LARP1B: variants seen among roughly 807,000 people sequenced by gnomAD.
LARP1B encodes the protein La ribonucleoprotein 1B.
A neutral mutation model predicts 114.2 loss-of-function variants in LARP1B; 76 were observed. The observed-to-expected ratio is 0.67, with a 90% CI of 0.55 to 0.81. The LOEUF (loss-of-function observed/expected upper bound fraction) is 0.81. LARP1B is among the 30% of genes least tolerant of loss of function. The probability of loss-of-function intolerance (pLI) is 0.00; values close to 1 mark genes in which losing one functional copy is unlikely to be tolerated. For synonymous variants in LARP1B, 345 were observed against 348.0 expected (o/e 0.99, Z 0.10); for missense variants, 1,014 against 1,075.8 (o/e 0.94, Z 0.80).
At chr4:128,139,693 A>G (rs1727094914) in intron 11 of LARP1B, among the ~76,000 whole-genome samples, 1 of 152,212 alleles carries the variant, frequency 6.6e-6, no homozygotes, top group African/African-American at 2.4e-5. Context: ...TATACTGCTT[A>G]TAAGACATGA....
chr4:128,165,803 T>G (rs1052166875), intron 12 of LARP1B, among the ~76,000 whole-genome samples: 1 of 152,094 alleles, frequency 6.6e-6, no homozygotes, highest in Non-Finnish European at 1.5e-5. Flanking sequence ...CTGAAACACA[T>G]TTTTACTTCC....
intron 11 of LARP1B, among the ~76,000 whole-genome samples, chr4:128,130,436 A>C (rs1580795674): frequency 6.6e-6 from 1 of 152,346 alleles, no homozygotes; most frequent in Middle Eastern, 3.4e-3. Context: ...TGCATATGAA[A>C]AGATGCTCAA....
chr4:128,154,498 T>C (rs1428292541), intron 11 of LARP1B, among the ~76,000 whole-genome samples: 1 of 152,196 alleles, frequency 6.6e-6, no homozygotes, highest in Admixed American at 6.5e-5. Flanking sequence ...CTTTTACATA[T>C]TTTCATTGTC....
At chr4:128,112,109 A>G (rs929068404) in intron 9 of LARP1B, among the ~76,000 whole-genome samples, 3 of 152,106 alleles carry the variant, frequency 2.0e-5, no homozygotes, top group Non-Finnish European at 4.4e-5. Flanking sequence ...CAAAGCTTGT[A>G]TTTCACTTGT....
intron 17 of LARP1B, among the ~76,000 whole-genome samples, chr4:128,203,982 G>C (rs1756830249): frequency 6.6e-6 from 1 of 152,196 alleles, no homozygotes; most frequent in Non-Finnish European, 1.5e-5. Context: ...TGAGAAGGCT[G>C]ATCATTTGCC....
intron 19 of LARP1B, among the ~76,000 whole-genome samples, chr4:128,209,337 C>T (rs1441736269): frequency 6.6e-6 from 1 of 152,180 alleles, no homozygotes; most frequent in Non-Finnish European, 1.5e-5. Flanking sequence ...AGGAGAATCG[C>T]TTGAACCCCA....
At chr4:128,067,858 C>T (rs779462878) in intron 1 of LARP1B, among the ~76,000 whole-genome samples, 15 of 150,996 alleles carry the variant, frequency 9.9e-5, no homozygotes, top group South Asian at 2.1e-4. Context: ...TACAGGCGCT[C>T]GCCACCATGC....
chr4:128,178,691 C>T (rs370019167), intron 14 of LARP1B, 49 bp downstream of exon 14: 2 of 1,322,806 alleles, frequency 1.5e-6, no homozygotes, highest in Admixed American at 1.8e-5. Context: ...TATCCTTTAA[C>T]ATTACAGAAT....
intron 4 of LARP1B, 28 bp from the exon 5 acceptor site, chr4:128,082,137 G>T (rs1295952702): frequency 8.7e-6 from 14 of 1,601,764 alleles, no homozygotes; most frequent in Non-Finnish European, 1.0e-5. Flanking sequence ...TTGTACATTT[G>T]TCCTTAAATG....
chr4:128,182,626 A>G (rs1047831673), intron 15 of LARP1B, among the ~76,000 whole-genome samples: 7 of 152,172 alleles, frequency 4.6e-5, no homozygotes, highest in African/African-American at 1.4e-4. Context: ...AATTAGACCA[A>G]CTAATAACCC....
intron 15 of LARP1B, among the ~76,000 whole-genome samples, chr4:128,192,857 G>C (rs1752706486): frequency 6.6e-6 from 1 of 151,214 alleles, no homozygotes; most frequent in East Asian, 1.9e-4. Context: ...ATTAGAGACA[G>C]AGTCTCGATC....
At chr4:128,102,725 TA>T (rs150315397) in intron 8 of LARP1B, among the ~76,000 whole-genome samples, 2,729 of 152,314 alleles carry the variant, frequency 0.018, 64 homozygotes, top group East Asian at 0.1. Context: ...CTTGGTTCTA[TA>T]GCTTACCAGT....
chr4:128,170,038 A>C (rs1409229398), intron 12 of LARP1B, among the ~76,000 whole-genome samples: 1 of 152,094 alleles, frequency 6.6e-6, no homozygotes, highest in Non-Finnish European at 1.5e-5. Context: ...CATTTTCTAA[A>C]TTCTTTTGAG....
Position 128,077,904 on chromosome 4 carries a change from T to C in LARP1B, c.159T>C (p.Asn53=), listed in dbSNP as rs1407868930. The part of the protein sequence containing the change: ...DSKENRETKL[N]GPGENVSEDE... Reference sequence around the variant, plus strand: ...AAGAAAACCGGGAAACAAAATTAAATGGTCCTGGTGAAAACGTCAGTGAGG... The same window carrying C: ...AAGAAAACCGGGAAACAAAATTAAACGGTCCTGGTGAAAACGTCAGTGAGG... The change falls in exon 4 of 20, where the codon AAT becomes AAC. Residue 53 remains asparagine, a synonymous_variant. Coordinates refer to ENST00000326639, the MANE Select transcript of LARP1B (RefSeq NM_018078.4). The C allele has an allele frequency of 6.2e-7, 1 of 1,613,404 alleles. No individual in the cohort carries two copies. The highest frequency in any genetic ancestry group is 8.5e-7 in the Non-Finnish European group (1 of 1,179,822).
At chr4:128,075,527 ATTAT>A (rs1322775095) in intron 3 of LARP1B, among the ~76,000 whole-genome samples, 1 of 150,338 alleles carries the variant, frequency 6.7e-6, no homozygotes, top group Non-Finnish European at 1.5e-5. Context: ...AACCTAACCT[ATTAT>A]TTCTTTCTTT....
rs147901118 is a variant in LARP1B, at chr4:128,107,233, G to T, written c.908G>T (p.Arg303Leu). The T allele has an allele frequency of 1.2e-6, 2 of 1,614,028 alleles. No homozygotes were observed. The highest frequency in any genetic ancestry group is 3.3e-5 in the Admixed American group (2 of 60,012). The change falls in exon 9 of 20, where the codon CGC (arginine) becomes CTC (leucine). Residue 303 changes from arginine to leucine, a missense_variant. Transcript: ENST00000326639. Reference protein sequence around the residue: ...EKWPIPGPPPRSVPPTDFSQL... With the variant: ...EKWPIPGPPPLSVPPTDFSQL... ...TGGCCAATTCCAGGCCCTCCTCCACGCAGTGTGCCACCAACAGACTTCTCT... is the reference window on the plus strand; with the variant it reads ...TGGCCAATTCCAGGCCCTCCTCCACTCAGTGTGCCACCAACAGACTTCTCT...
intron 11 of LARP1B, among the ~76,000 whole-genome samples, chr4:128,129,164 CAAAAAAAAAAAAAAAAAAAAAAAAAAAAA>C (rs559312234): frequency 4.1e-5 from 2 of 49,142 alleles, no homozygotes; most frequent in East Asian, 7.6e-4. Flanking sequence ...GACTCTGTCT[CAAAAAAAAAAAAAAAAAAAAAAAAAAAAA>C]AAAAAAAAAA....
chr4:128,167,273 C>T (rs1487293939), intron 12 of LARP1B, among the ~76,000 whole-genome samples: 1 of 151,748 alleles, frequency 6.6e-6, no homozygotes, highest in Non-Finnish European at 1.5e-5. Context: ...TATGGTAATT[C>T]TACTTTTAAT....
chr4:128,124,925 T>C (rs181849162), intron 11 of LARP1B, among the ~76,000 whole-genome samples: 1 of 152,282 alleles, frequency 6.6e-6, no homozygotes, highest in East Asian at 1.9e-4. Flanking sequence ...GTATGCCAAA[T>C]TGATAGGGCA....
Sources: allele counts gnomAD v4.1 joint callset (sites outside exome capture counted in the v4.1 genomes callset), GRCh38; gene constraint gnomAD v4.1.1; transcripts MANE v1.5; gene names NCBI Gene and HGNC (gene_info 2026-07-23, HGNC 2026-07-21).